Variants in NEK10 observed in about 807,000 individuals in gnomAD.
The protein encoded by NEK10 is NIMA related kinase 10.
In NEK10, 122 loss-of-function variants were observed where a neutral mutation model predicts 159.8. The ratio of observed to expected loss-of-function variants is 0.76; its 90% confidence interval spans 0.66 to 0.89. The LOEUF is 0.89. NEK10 is among the 40% of genes least tolerant of loss of function. The probability of loss-of-function intolerance (pLI) is 0.00; values close to 1 mark genes in which losing one functional copy is unlikely to be tolerated. For synonymous variants in NEK10, 466 were observed against 457.1 expected (o/e 1.02, Z -0.25); for missense variants, 1,342 against 1,323.1 (o/e 1.01, Z -0.22).
chr3:27,326,342 C>T (rs1027959940), intron 5 of NEK10, among the ~76,000 whole-genome samples: 88 of 152,302 alleles, frequency 5.8e-4, no homozygotes, highest in African/African-American at 2.1e-3. Flanking sequence ...CAGGTTGCAA[C>T]AGCTGCTAGC....
chr3:27,307,241 G>T (rs890515624), intron 11 of NEK10, among the ~76,000 whole-genome samples: 2 of 152,196 alleles, frequency 1.3e-5, no homozygotes, highest in Non-Finnish European at 2.9e-5. Flanking sequence ...TGAGTTAAGT[G>T]TCAGGGCTCC....
intron 3 of NEK10, among the ~76,000 whole-genome samples, chr3:27,351,255 G>A (rs1377165342): frequency 6.6e-6 from 1 of 152,162 alleles, no homozygotes; most frequent in African/African-American, 2.4e-5. Flanking sequence ...TTACATCACA[G>A]GATGTACAGT....
At chr3:27,185,360 A>T (rs771859170) in intron 26 of NEK10, among the ~76,000 whole-genome samples, 5 of 152,164 alleles carry the variant, frequency 3.3e-5, no homozygotes, top group Admixed American at 6.5e-5. Context: ...ATTTACCAAG[A>T]TCAGATATTT....
chr3:27,238,846 G>C (rs1039164264), intron 23 of NEK10, among the ~76,000 whole-genome samples: 1 of 151,388 alleles, frequency 6.6e-6, no homozygotes, highest in Non-Finnish European at 1.5e-5. Context: ...CCACAGAGCA[G>C]GGGCAGGCTG....
intron 31 of NEK10, 62 bp downstream of exon 31, chr3:27,141,419 CA>C: frequency 8.1e-7 from 1 of 1,227,830 alleles, no homozygotes; most frequent in Non-Finnish European, 1.2e-6. Context: ...AATAGTTCTT[CA>C]GCAATATTAG....
At chr3:27,354,574 T>C (rs1477921701) in intron 1 of NEK10, among the ~76,000 whole-genome samples, 1 of 152,176 alleles carries the variant, frequency 6.6e-6, no homozygotes, top group African/African-American at 2.4e-5. Context: ...TGGGAATGCT[T>C]TAAAATAGTT....
At chr3:27,268,403 G>C (rs750422429) in intron 22 of NEK10, among the ~76,000 whole-genome samples, 1 of 152,218 alleles carries the variant, frequency 6.6e-6, no homozygotes, top group Admixed American at 6.5e-5. Context: ...AAGCTTCAAA[G>C]AACAGGCTGG....
chr3:27,258,148 A>G (rs1377366666), intron 22 of NEK10, among the ~76,000 whole-genome samples: 2 of 152,128 alleles, frequency 1.3e-5, no homozygotes, highest in African/African-American at 4.8e-5. Flanking sequence ...TACTGCTGAT[A>G]TATATTGTAA....
At chr3:27,141,838 T>G (rs1943815010) in intron 30 of NEK10, among the ~76,000 whole-genome samples, 1 of 152,164 alleles carries the variant, frequency 6.6e-6, no homozygotes, top group African/African-American at 2.4e-5. Flanking sequence ...CACTTGGATA[T>G]TTTGCTGGCA....
chr3:27,144,529 C>T (rs570349409), intron 30 of NEK10, among the ~76,000 whole-genome samples: 1 of 152,266 alleles, frequency 6.6e-6, no homozygotes, highest in East Asian at 1.9e-4. Flanking sequence ...GAAAAGAATC[C>T]ATTTTTCTAC....
In NEK10 at chr3:27,242,483, C is replaced by T. The variant is rs75451955; in HGVS notation, c.2090+13813G>A. Among the ~76,000 whole-genome samples the T allele has an allele frequency of 6.9e-3, 1,047 of 152,244 alleles. 18 individuals carry two copies. The highest frequency in any genetic ancestry group is 0.024 in the African/African-American group (997 of 41,544). ...ATTTAGGCCCAGAAAAATTAAGTAGCTTGCCCAAAGTCAAACAGGAAGGTG... is the reference window on the plus strand; with the variant it reads ...ATTTAGGCCCAGAAAAATTAAGTAGTTTGCCCAAAGTCAAACAGGAAGGTG... On this transcript the variant is annotated intron_variant, in intron 23 of 35. Transcript: ENST00000691995.
intron 22 of NEK10, among the ~76,000 whole-genome samples, chr3:27,260,414 G>T (rs947775170): frequency 4.6e-5 from 7 of 152,116 alleles, no homozygotes; most frequent in Admixed American, 1.3e-4. Flanking sequence ...AATTTATTGA[G>T]AGTTTTTAGC....
chr3:27,161,990 G>C (rs2148814451), intron 30 of NEK10, among the ~76,000 whole-genome samples: 1 of 151,430 alleles, frequency 6.6e-6, no homozygotes, highest in Admixed American at 6.6e-5. Context: ...GGGTGACAAA[G>C]TGAGATTCTG....
At chr3:27,359,218 T>A (rs868455514) in intron 1 of NEK10, among the ~76,000 whole-genome samples, 6 of 102,838 alleles carry the variant, frequency 5.8e-5, no homozygotes, top group African/African-American at 6.6e-5. Flanking sequence ...AAAAAAAAAA[T>A]CAATCAATCA....
At position 27,310,846 on chromosome 3, in the gene NEK10, G is replaced by A; in HGVS notation, c.636+103C>T. On this transcript the variant is annotated intron_variant, in intron 9 of 35. Transcript: ENST00000691995. ...TCTCAGGCCAGGCTGGTAGGTTTGT[G>A]GATTCTAATTACACATGACTTAACC... The A allele has an allele frequency of 4.5e-6, 3 of 662,230 alleles. No homozygotes were observed. In the South Asian group the frequency reaches 6.2e-5, roughly 14 times the overall value. 41.0% of individuals were successfully genotyped at this position (662,230 alleles called of 1,614,324 possible).
chr3:27,221,008 G>A (rs1371051825), intron 23 of NEK10, among the ~76,000 whole-genome samples: 2 of 152,146 alleles, frequency 1.3e-5, no homozygotes, highest in Non-Finnish European at 2.9e-5. Flanking sequence ...CATACCATAT[G>A]CAAAAATTAA....
At chr3:27,114,600 AATCTAATTTCTAT>A (rs1940103012) in intron 35 of NEK10, among the ~76,000 whole-genome samples, 1 of 152,190 alleles carries the variant, frequency 6.6e-6, no homozygotes, top group Admixed American at 6.5e-5. Context: ...CTTAGAAAAG[AATCTAATTTCTAT>A]ATAATGACCT....
chr3:27,303,688 T>C (rs985657007), intron 12 of NEK10, among the ~76,000 whole-genome samples: 5 of 152,252 alleles, frequency 3.3e-5, no homozygotes, highest in Non-Finnish European at 7.3e-5. Flanking sequence ...TGTTCATGTC[T>C]GTACAGTCTA....
chr3:27,351,675 A>C (rs1174033232), intron 3 of NEK10, among the ~76,000 whole-genome samples: 1 of 152,112 alleles, frequency 6.6e-6, no homozygotes, highest in Non-Finnish European at 1.5e-5. Flanking sequence ...AAAAACTGTC[A>C]GGGCTGGATT....
Sources: allele counts gnomAD v4.1 joint callset (sites outside exome capture counted in the v4.1 genomes callset), GRCh38; gene constraint gnomAD v4.1.1; transcripts MANE v1.5; gene names NCBI Gene and HGNC (gene_info 2026-07-23, HGNC 2026-07-21).